The following IKZF2 variants were observed in gnomAD, a reference collection of about 807,000 sequenced individuals.
IKZF2 encodes the protein IKAROS family zinc finger 2.
IKZF2 carries 15 observed loss-of-function variants against 49.2 expected under a neutral mutation model. The observed-to-expected ratio is 0.30, with a 90% CI of 0.20 to 0.47. The LOEUF is 0.47. IKZF2 is among the 20% of genes least tolerant of loss of function. The pLI, the probability that IKZF2 is intolerant of heterozygous loss-of-function variation, is 1.00. For missense variants in IKZF2, 567 were observed against 664.6 expected (o/e 0.85, Z 1.61); for synonymous variants, 227 against 221.4 (o/e 1.03, Z -0.23).
intron 4 of IKZF2, among the ~76,000 whole-genome samples, chr2:213,107,298 T>C (rs183290307): frequency 3.3e-5 from 5 of 152,314 alleles, no homozygotes; most frequent in Non-Finnish European, 5.9e-5. Flanking sequence ...ATATATTTCT[T>C]GGGCAAGGTT....
intron 6 of IKZF2, among the ~76,000 whole-genome samples, chr2:213,027,547 C>A (rs1472769334): frequency 6.6e-6 from 1 of 152,030 alleles, no homozygotes; most frequent in Non-Finnish European, 1.5e-5. Context: ...CCATTGGCAC[C>A]CCTTTCTCCA....
intron 7 of IKZF2, among the ~76,000 whole-genome samples, chr2:213,021,123 G>A (rs1347247489): frequency 6.6e-6 from 1 of 152,138 alleles, no homozygotes; most frequent in Non-Finnish European, 1.5e-5. Context: ...TGAAGCAGGA[G>A]AATCGCTTGA....
chr2:213,065,695 T>A (rs1440629604), intron 4 of IKZF2, among the ~76,000 whole-genome samples: 1 of 152,044 alleles, frequency 6.6e-6, no homozygotes. Context: ...AACTGAAGCT[T>A]AAAATCAGTG....
At chr2:213,134,807 A>T (rs2060595761) in intron 4 of IKZF2, among the ~76,000 whole-genome samples, 1 of 152,024 alleles carries the variant, frequency 6.6e-6, no homozygotes, top group African/African-American at 2.4e-5. Flanking sequence ...ATTTCTCTTT[A>T]TTTATTTTTT....
chr2:213,041,344 G>GC (rs1244879752), intron 6 of IKZF2, among the ~76,000 whole-genome samples: 1 of 150,494 alleles, frequency 6.6e-6, no homozygotes, highest in African/African-American at 2.4e-5. Context: ...TTTTTTGGGG[G>GC]GGGTGGGAGG....
In IKZF2 at chr2:213,005,543, A is replaced by G. The variant is rs1464586257; in HGVS notation, c.*1817T>C. The G allele has an allele frequency of 6.6e-6, 1 of 152,034 alleles. No homozygotes were observed. The highest frequency in any genetic ancestry group is 1.5e-5 in the Non-Finnish European group (1 of 67,982). 9.4% of individuals were successfully genotyped at this position (152,034 alleles called of 1,614,324 possible). A position where few individuals can be genotyped will look rare whatever the true frequency, so the allele number is the denominator to read the frequency against. On this transcript the variant is annotated 3_prime_UTR_variant, in exon 9 of 9. Coordinates refer to ENST00000434687, the MANE Select transcript of IKZF2 (RefSeq NM_001387220.1). ...CTTGCTTATGTCCACAATTCTCTTG[A>G]CTTGGTAATTCTCATACCACACTGT...
intron 2 of IKZF2, among the ~76,000 whole-genome samples, 174 bp from the exon 3 acceptor site, chr2:213,148,818 G>A (rs1194663573): frequency 6.6e-6 from 1 of 152,180 alleles, no homozygotes; most frequent in Non-Finnish European, 1.5e-5. Context: ...AACTCTTTCT[G>A]CAAATGATCT....
At chr2:213,152,181 G>C (rs2126008319), upstream of IKZF2, 1 of 152,368 alleles carries the variant, frequency 6.6e-6, no homozygotes, top group East Asian at 1.9e-4. Flanking sequence ...TCGGCCGCGT[G>C]AAGTTTTCTT....
chr2:213,043,835 G>C (rs1245914000), intron 6 of IKZF2, among the ~76,000 whole-genome samples: 1 of 152,332 alleles, frequency 6.6e-6, no homozygotes, highest in Non-Finnish European at 1.5e-5. Flanking sequence ...GGCTCAATTT[G>C]TAAGAGGCCA....
intron 4 of IKZF2, among the ~76,000 whole-genome samples, chr2:213,098,343 T>C (rs1706256274): frequency 6.6e-6 from 1 of 152,026 alleles, no homozygotes; most frequent in Non-Finnish European, 1.5e-5. Context: ...GAAAATCTCC[T>C]CCTGGAATCA....
chr2:213,075,862 T>C (rs1453321658), intron 4 of IKZF2, among the ~76,000 whole-genome samples: 2 of 152,128 alleles, frequency 1.3e-5, no homozygotes, highest in Non-Finnish European at 2.9e-5. Context: ...TTTTTGATTT[T>C]TCTCTGCCTG....
chr2:213,045,320 G>A (rs1364947323), intron 6 of IKZF2, among the ~76,000 whole-genome samples: 1 of 152,116 alleles, frequency 6.6e-6, no homozygotes, highest in Admixed American at 6.6e-5. Context: ...ATCTTTACTG[G>A]AGCATATTAA....
Position 213,055,971 on chromosome 2 carries a change from C to A in IKZF2, c.406+862G>T, listed in dbSNP as rs115576432. 4.7e-3 allele frequency among the ~76,000 whole-genome samples: 720 copies of A among 152,062 alleles called. 9 individuals are homozygous for A. The highest frequency in any genetic ancestry group is 0.017 in the African/African-American group (689 of 41,510). ...CACTACTTTGCATTATAGTGAAAGC[C>A]ATCATTACCATTAAACCAATTTTCA... On this transcript the variant is annotated intron_variant, in intron 5 of 8. Transcript: ENST00000434687.
At chr2:213,061,195 A>C (rs1195718994) in intron 4 of IKZF2, among the ~76,000 whole-genome samples, 1 of 151,486 alleles carries the variant, frequency 6.6e-6, no homozygotes, top group East Asian at 1.9e-4. Context: ...TTCCTTCAGT[A>C]ACCATTCTAG....
chr2:213,124,250 GCGCACACACACACACACACACA>G (rs1362907845), intron 4 of IKZF2, among the ~76,000 whole-genome samples: 11 of 93,544 alleles, frequency 1.2e-4, no homozygotes, highest in African/African-American at 4.1e-4. Context: ...TCGCGCGCGC[GCGCACACACACACACACACACA>G]CACACACACA....
chr2:213,050,292 G>C (rs1700554439), intron 5 of IKZF2, among the ~76,000 whole-genome samples: 1 of 152,130 alleles, frequency 6.6e-6, no homozygotes, highest in Non-Finnish European at 1.5e-5. Context: ...AAAGTCCATA[G>C]ATCAAACTAT....
At chr2:213,065,640 C>T (rs1175337423) in intron 4 of IKZF2, among the ~76,000 whole-genome samples, 1 of 151,830 alleles carries the variant, frequency 6.6e-6, no homozygotes. Context: ...TCAAAATAGC[C>T]ACTCCATGAA....
chr2:213,069,669 A>C (rs1380308018), intron 4 of IKZF2, among the ~76,000 whole-genome samples: 1 of 152,146 alleles, frequency 6.6e-6, no homozygotes, highest in Admixed American at 6.5e-5. Flanking sequence ...ATGTTTCTCC[A>C]GGAAGGTCCA....
chr2:213,118,711 G>A (rs1459928694), intron 4 of IKZF2, among the ~76,000 whole-genome samples: 1 of 151,396 alleles, frequency 6.6e-6, no homozygotes, highest in East Asian at 2.0e-4. Flanking sequence ...AGTCATCAGT[G>A]CTAATATTTT....
Sources: gnomAD v4.1 joint callset for allele counts (sites outside exome capture counted in the v4.1 genomes callset) on GRCh38, gnomAD v4.1.1 for gene constraint, MANE v1.5 for transcripts, NCBI Gene and HGNC (gene_info 2026-07-23, HGNC 2026-07-21) for gene names.